Variants in PRDM11 observed in about 807,000 individuals in gnomAD.
PRDM11 encodes PR domain-containing protein 11.
In PRDM11, 20 loss-of-function variants were observed where a neutral mutation model predicts 97.8. The observed-to-expected ratio is 0.20, with a 90% CI of 0.14 to 0.30. The LOEUF is 0.30. Among genes scored for constraint, PRDM11 ranks in the 10% least tolerant of loss-of-function variants. The pLI is 1.00. For missense variants in PRDM11, 1,139 were observed against 1,555.2 expected (o/e 0.73, Z 4.50); for synonymous variants, 599 against 637.7 (o/e 0.94, Z 0.91).
chr11:45,153,113 A>G (rs1201063650), intron 1 of PRDM11, among the ~76,000 whole-genome samples: 1 of 152,236 alleles, frequency 6.6e-6, no homozygotes, highest in Non-Finnish European at 1.5e-5. Context: ...TCTACAGCGA[A>G]GGTCAGAGCA....
chr11:45,127,298 G>A (rs574373311), intron 1 of PRDM11, among the ~76,000 whole-genome samples: 8 of 152,254 alleles, frequency 5.3e-5, no homozygotes, highest in East Asian at 3.9e-4. Context: ...CCTGTAGCTC[G>A]GAGTAGTTTG....
chr11:45,142,671 G>C (rs912053749), upstream of PRDM11, among the ~76,000 whole-genome samples: 1 of 152,182 alleles, frequency 6.6e-6, no homozygotes, highest in African/African-American at 2.4e-5. Context: ...ATGATGATCT[G>C]ACCCAAGGCA....
intron 4 of PRDM11, among the ~76,000 whole-genome samples, chr11:45,190,183 A>G (rs1224224698): frequency 2.0e-5 from 3 of 150,368 alleles, no homozygotes; most frequent in Non-Finnish European, 4.4e-5. Context: ...GTCTCACTCT[A>G]TCACCCAGGC....
intron 4 of PRDM11, among the ~76,000 whole-genome samples, chr11:45,203,609 G>C (rs1295161241): frequency 6.8e-6 from 1 of 147,138 alleles, no homozygotes; most frequent in African/African-American, 2.5e-5. Context: ...AGGATATATT[G>C]AGCTACTCCC....
intron 1 of PRDM11, among the ~76,000 whole-genome samples, chr11:45,135,945 C>T: frequency 6.6e-6 from 1 of 152,020 alleles, no homozygotes; most frequent in East Asian, 1.9e-4. Context: ...CAAGAGGGGC[C>T]TAAGAAAACA....
chr11:45,106,068 C>T (rs1852056646), intron 1 of PRDM11, among the ~76,000 whole-genome samples: 1 of 152,168 alleles, frequency 6.6e-6, no homozygotes, highest in Admixed American at 6.5e-5. Context: ...GTTCCTCCTC[C>T]TGGGCTCACC....
intron 5 of PRDM11, among the ~76,000 whole-genome samples, chr11:45,207,566 A>G (rs1428208314): frequency 6.6e-6 from 1 of 152,210 alleles, no homozygotes; most frequent in Non-Finnish European, 1.5e-5. Context: ...CCAACTGCCA[A>G]TAGTGGCAAG....
upstream of PRDM11, among the ~76,000 whole-genome samples, chr11:45,145,577 G>A (rs952981167): frequency 6.6e-6 from 1 of 152,212 alleles, no homozygotes. Context: ...GCACTGGACA[G>A]CGCCTCGCCC....
At chr11:45,138,507 G>A (rs562732072) in intron 1 of PRDM11, among the ~76,000 whole-genome samples, 1 of 152,348 alleles carries the variant, frequency 6.6e-6, no homozygotes, top group East Asian at 1.9e-4. Context: ...AGTTGAGGCT[G>A]CAGGGAGCCA....
At chr11:45,201,904 C>T (rs1002328925) in intron 4 of PRDM11, among the ~76,000 whole-genome samples, 5 of 151,940 alleles carry the variant, frequency 3.3e-5, no homozygotes, top group South Asian at 2.1e-4. Flanking sequence ...ACCTGGGAGG[C>T]GGAGCTTGCA....
At chr11:45,208,156 A>G (rs919937742) in intron 5 of PRDM11, among the ~76,000 whole-genome samples, 3 of 152,178 alleles carry the variant, frequency 2.0e-5, no homozygotes, top group Non-Finnish European at 4.4e-5. Flanking sequence ...AAATTCTACC[A>G]AAAAGTCACA....
upstream of PRDM11, among the ~76,000 whole-genome samples, chr11:45,145,652 T>A (rs976924008): frequency 2.0e-5 from 3 of 152,098 alleles, no homozygotes; most frequent in African/African-American, 7.2e-5. Context: ...GCACAGAGCA[T>A]CCTCCCTTGG....
chr11:45,208,593 C>T (rs985492829), intron 5 of PRDM11, among the ~76,000 whole-genome samples: 1 of 152,186 alleles, frequency 6.6e-6, no homozygotes, highest in African/African-American at 2.4e-5. Context: ...TGAACATGAA[C>T]TGCCCTAGCT....
intron 1 of PRDM11, among the ~76,000 whole-genome samples, chr11:45,110,008 C>T (rs940224348): frequency 2.6e-5 from 4 of 152,254 alleles, no homozygotes; most frequent in East Asian, 1.9e-4. Context: ...ATAGCATAGA[C>T]GTGGTTATCA....
chr11:45,199,327 G>T lies in PRDM11; in HGVS notation c.487-5384G>T, dbSNP rs78125849. Among the ~76,000 whole-genome samples the T allele has an allele frequency of 1.4e-3, 212 of 152,280 alleles. 1 individual carries two copies. Among genetic ancestry groups the T allele is most frequent in the African/African-American group, 4.9e-3 (204 of 41,554 alleles). ...AAGCTCACCACCTCACAGGGTTCTT[G>T]TCCTATCTTAGGACTCTTCTGCATG... On this transcript the variant is annotated intron_variant, in intron 4 of 7. Transcript: ENST00000683152.
chr11:45,149,153 A>G (rs577824915), intron 1 of PRDM11, among the ~76,000 whole-genome samples: 62 of 152,350 alleles, frequency 4.1e-4, no homozygotes, highest in African/African-American at 1.4e-3. Context: ...GGACAACAGC[A>G]AGAGCCTCCT....
At chr11:45,194,630 G>A (rs1346050739) in intron 4 of PRDM11, among the ~76,000 whole-genome samples, 7 of 108,120 alleles carry the variant, frequency 6.5e-5, no homozygotes, top group Admixed American at 1.4e-4. Flanking sequence ...ACGGAGTCTC[G>A]CTCTGTCGCC....
chr11:45,115,068 TAATC>T (rs1852271482), intron 1 of PRDM11, among the ~76,000 whole-genome samples: 2 of 152,044 alleles, frequency 1.3e-5, no homozygotes, highest in Non-Finnish European at 2.9e-5. Flanking sequence ...TTTATTTCCT[TAATC>T]TAAAAAAGAT....
At chr11:45,182,068 G>A (rs1852526689) in intron 2 of PRDM11, among the ~76,000 whole-genome samples, 178 bp from the exon 3 acceptor site, 1 of 152,064 alleles carries the variant, frequency 6.6e-6, no homozygotes. Context: ...GTCTGTGCTC[G>A]CATCTCAATC....
Sources: gnomAD v4.1 joint callset for allele counts (sites outside exome capture counted in the v4.1 genomes callset) on GRCh38, gnomAD v4.1.1 for gene constraint, MANE v1.5 for transcripts, NCBI Gene and HGNC (gene_info 2026-07-23, HGNC 2026-07-21) for gene names.